Variants in ARHGEF18 observed in about 807,000 individuals in gnomAD.
ARHGEF18 encodes rho guanine nucleotide exchange factor 18.
A neutral mutation model predicts 155.7 loss-of-function variants in ARHGEF18; 93 were observed. That is an observed-to-expected ratio of 0.60 (90% CI 0.50 to 0.71). The LOEUF is 0.71. Ranked by LOEUF, ARHGEF18 falls within the 30% of genes least tolerant of loss-of-function variation. ARHGEF18 has a pLI of 0.00. For missense variants in ARHGEF18, 1,593 were observed against 1,816.1 expected (o/e 0.88, Z 2.23); for synonymous variants, 742 against 753.1 (o/e 0.99, Z 0.24).
At chr19:7,469,250 A>C in intron 27 of ARHGEF18, 119 bp downstream of exon 27, 5 of 1,256,146 alleles carry the variant, frequency 4.0e-6, no homozygotes, top group South Asian at 1.5e-5. Flanking sequence ...GGAAAACCAG[A>C]AGGCACAGCT....
intron 10 of ARHGEF18, among the ~76,000 whole-genome samples, chr19:7,407,983 A>ACAAAAAAAAAAAAAAC (rs1431619173): frequency 7.0e-6 from 1 of 141,870 alleles, no homozygotes; most frequent in African/African-American, 3.1e-5. Context: ...AAAAAAAAAA[A>ACAAAAAAAAAAAAAAC]AAAAGAGGTA....
intron 1 of ARHGEF18, among the ~76,000 whole-genome samples, chr19:7,362,015 AG>A (rs1969583445): frequency 1.7e-4 from 6 of 35,064 alleles, no homozygotes; most frequent in South Asian, 7.5e-4. Context: ...AAGAAGAAGA[AG>A]GAGAAGGAGA....
At chr19:7,427,960 A>G (rs1600402884) in intron 10 of ARHGEF18, among the ~76,000 whole-genome samples, 1 of 152,224 alleles carries the variant, frequency 6.6e-6, no homozygotes, top group South Asian at 2.1e-4. Context: ...GAAAAAAGAA[A>G]AAGAGGGAGA....
At chr19:7,447,311 A>C (rs1441284854) in intron 15 of ARHGEF18, 143 bp downstream of exon 15, 74 of 680,042 alleles carry the variant, frequency 1.1e-4, no homozygotes, top group Non-Finnish European at 1.6e-4. Context: ...CAACATGGTG[A>C]AACCCCGTCT....
At position 7,397,497 on chromosome 19, in the gene ARHGEF18, CCGGG is replaced by C. The variant is rs1568296899; in HGVS notation, c.967+14295_967+14298del. On this transcript the variant is annotated intron_variant, in intron 10 of 28. Transcript: ENST00000668164. Reference sequence around the variant, plus strand: ...CTGTAATCCCAGCACTTTGGGAGGCCCGGGGGGGGGCAGATCACGAGGTCAGGAG... The same window carrying C: ...CTGTAATCCCAGCACTTTGGGAGGCCGGGGGGCAGATCACGAGGTCAGGAG... Among the ~76,000 whole-genome samples the C allele has an allele frequency of 1.7e-4, 25 of 146,518 alleles. No homozygotes were observed. In the East Asian group the frequency reaches 4.7e-3, roughly 27 times the overall value.
intron 15 of ARHGEF18, 104 bp downstream of exon 15, chr19:7,447,272 C>T (rs1975059099): frequency 5.2e-6 from 6 of 1,148,982 alleles, no homozygotes; most frequent in Admixed American, 5.2e-5. Context: ...GGGCGGATCA[C>T]AAGGCCAGGA....
At position 7,463,885 on chromosome 19, in the gene ARHGEF18, C is replaced by T; in HGVS notation, c.2703C>T (p.Gly901=). ...GSANGQAEDG[G]SSTGPPRRAE... is the part of the protein sequence containing the mutation. ...CCAACGGCCAGGCGGAAGACGGAGG[C>T]AGCTCCACAGGCCCGCCCAGGAGGG... The change falls in exon 22 of 29, where the codon GGC becomes GGT. Residue 901 remains glycine, a synonymous_variant. Transcript: ENST00000668164. The surrounding 1 kb of genome is among the most constrained non-coding windows in gnomAD (Gnocchi z 5.2). 6.2e-7 allele frequency: 1 copy of T among 1,601,142 alleles called. No homozygotes were observed. Among genetic ancestry groups the T allele is most frequent in the Non-Finnish European group, 8.5e-7 (1 of 1,174,458 alleles).
At chr19:7,427,714 G>A (rs1973742714) in intron 10 of ARHGEF18, among the ~76,000 whole-genome samples, 1 of 151,492 alleles carries the variant, frequency 6.6e-6, no homozygotes, top group Non-Finnish European at 1.5e-5. Context: ...GGGAGGCTGA[G>A]GCAGGCAGAT....
rs2145403724 is a variant in ARHGEF18, at chr19:7,373,051, C to T, written c.255C>T (p.Ser85=). 1 of 1,234,480 alleles carries T rather than the reference C, an allele frequency of 8.1e-7. No homozygotes were observed. Among genetic ancestry groups the T allele is most frequent in the African/African-American group, 1.5e-5 (1 of 64,636 alleles). The allele number at this position is 1,234,480 out of a possible 1,614,324, so 76.5% of individuals were successfully genotyped here. ...GGCGCAGCTGGGAAAGGTCGCGGAG[C>T]TGCTCAGAGAGCTGGCGGAGGTCAG... The part of the protein sequence containing the change: ...SRRRSWERSR[S]CSESWRRLSL... Residue 85 remains serine, a synonymous_variant, in exon 3 of 29, where the codon AGC becomes AGT. Coordinates refer to ENST00000668164, the MANE Select transcript of ARHGEF18 (RefSeq NM_001367823.1).
At chr19:7,475,826 C>T (rs1225985435), downstream of ARHGEF18, among the ~76,000 whole-genome samples, 1 of 152,214 alleles carries the variant, frequency 6.6e-6, no homozygotes, top group Non-Finnish European at 1.5e-5. Flanking sequence ...ATGCCCTAAT[C>T]ATGCAGGTGC....
Position 7,456,323 on chromosome 19 carries a change from C to T in ARHGEF18, c.2105-4C>T, listed in dbSNP as rs757499317. On this transcript the variant is annotated splice_region_variant and splice_polypyrimidine_tract_variant and intron_variant, in intron 17 of 28. Coordinates refer to ENST00000668164, the MANE Select transcript of ARHGEF18 (RefSeq NM_001367823.1). ...AGATGCATCCTTCCATGCTGTTTTC[C>T]CAGATATCCTGGCTATCCTGCTGAC... 12 of 1,614,072 alleles carry T rather than the reference C, an allele frequency of 7.4e-6. No homozygotes were observed. In the South Asian group the frequency reaches 1.3e-4, roughly 18 times the overall value.
chr19:7,464,425 G>A, intron 22 of ARHGEF18, 135 bp from the exon 23 acceptor site: 4 of 1,067,590 alleles, frequency 3.7e-6, no homozygotes, highest in Non-Finnish European at 5.4e-6. Context: ...TCTCCAGCAG[G>A]CGTCTGTGCT....
At position 7,461,712 on chromosome 19, in the gene ARHGEF18, T is replaced by G. The variant is rs546369563; in HGVS notation, c.2453-440T>G. Among the ~76,000 whole-genome samples the G allele has an allele frequency of 1.0e-3, 152 of 152,276 alleles. 1 individual carries two copies. The highest frequency in any genetic ancestry group is 3.6e-3 in the African/African-American group (149 of 41,558). Reference sequence around the variant, plus strand: ...TTTTAGAGACAGGATCTTGCTTTGTTGGCCAGGCTGGAGTACAGTACTGCA... The same window carrying G: ...TTTTAGAGACAGGATCTTGCTTTGTGGGCCAGGCTGGAGTACAGTACTGCA... On this transcript the variant is annotated intron_variant, in intron 20 of 28. Coordinates refer to ENST00000668164, the MANE Select transcript of ARHGEF18 (RefSeq NM_001367823.1).
At chr19:7,374,863 G>T (rs10404592) in intron 3 of ARHGEF18, among the ~76,000 whole-genome samples, 1 of 151,962 alleles carries the variant, frequency 6.6e-6, no homozygotes, top group African/African-American at 2.4e-5. Context: ...GTTATGATCA[G>T]AACGGAAATG....
intron 27 of ARHGEF18, among the ~76,000 whole-genome samples, chr19:7,469,544 G>A (rs577863100): frequency 2.0e-5 from 3 of 152,288 alleles, no homozygotes; most frequent in Non-Finnish European, 2.9e-5. Flanking sequence ...GTGTTTCCAC[G>A]GAGGATGTCC....
At chr19:7,394,747 C>T (rs1971592929) in intron 10 of ARHGEF18, among the ~76,000 whole-genome samples, 1 of 152,044 alleles carries the variant, frequency 6.6e-6, no homozygotes, top group African/African-American at 2.4e-5. Context: ...CCGCGCTAAT[C>T]ACCCAGGCTT....
intron 2 of ARHGEF18, among the ~76,000 whole-genome samples, chr19:7,371,755 A>G (rs1281885973): frequency 1.3e-5 from 2 of 151,966 alleles, no homozygotes; most frequent in Admixed American, 6.6e-5. Context: ...CGGGAGGTGA[A>G]GGTTGCAGTG....
At chr19:7,378,481 A>G in intron 6 of ARHGEF18, 30 bp downstream of exon 6, 5 of 1,232,892 alleles carry the variant, frequency 4.1e-6, no homozygotes, top group Non-Finnish European at 5.1e-6. Flanking sequence ...TGGGGGAGGG[A>G]CCCCCAGGGA....
Position 7,462,521 on chromosome 19 carries a change from G to T in ARHGEF18, c.2635+187G>T, listed in dbSNP as rs1309535909. Among the ~76,000 whole-genome samples the T allele has an allele frequency of 3.9e-5, 6 of 152,226 alleles. No homozygotes were observed. The highest frequency in any genetic ancestry group is 6.5e-5 in the Admixed American group (1 of 15,282). On this transcript the variant is annotated intron_variant, in intron 21 of 28. Transcript: ENST00000668164. The surrounding 1 kb of genome is among the most constrained non-coding windows in gnomAD (Gnocchi z 4.4). ...GCCTGTGAGAGCCAGAAGGGCCTTA[G>T]ACATAATCTGGGCCAAGCCGCTCCT... is the stretch of plus-strand genomic sequence containing the variant.
Sources: allele counts gnomAD v4.1 joint callset (sites outside exome capture counted in the v4.1 genomes callset), GRCh38; gene constraint gnomAD v4.1.1; non-coding constraint Gnocchi (gnomAD v3.1); transcripts MANE v1.5; gene names NCBI Gene and HGNC (gene_info 2026-07-23, HGNC 2026-07-21).